Variants in PCDH7 observed in about 807,000 individuals in gnomAD.
The protein encoded by PCDH7 is protocadherin 7.
A neutral mutation model predicts 58.9 loss-of-function variants in PCDH7; 17 were observed. The ratio of observed to expected loss-of-function variants is 0.29; its 90% CI spans 0.20 to 0.43. The LOEUF is 0.43. Ranked by LOEUF, PCDH7 falls within the 20% of genes least tolerant of loss-of-function variation. PCDH7 has a pLI of 1.00. For missense variants in PCDH7, 1,274 were observed against 1,441.0 expected, an observed-to-expected ratio of 0.88 and a Z score of 1.88; for synonymous variants, 664 against 616.4, an observed-to-expected ratio of 1.08 and a Z score of -1.14.
At chr4:30,726,045 ATTAT>A (rs1012536916) in intron 1 of PCDH7, among the ~76,000 whole-genome samples, 2 of 152,058 alleles carry the variant, frequency 1.3e-5, no homozygotes, top group African/African-American at 4.8e-5. Flanking sequence ...GTGAATTTGA[ATTAT>A]TTATTTATTT....
intron 1 of PCDH7, among the ~76,000 whole-genome samples, chr4:30,810,482 C>T (rs1436258461): frequency 4.0e-5 from 6 of 150,762 alleles, no homozygotes; most frequent in Non-Finnish European, 8.9e-5. Flanking sequence ...AAATAAATTT[C>T]TTCATCATAA....
At chr4:30,764,902 C>G (rs536229693) in intron 1 of PCDH7, among the ~76,000 whole-genome samples, 312 of 151,854 alleles carry the variant, frequency 2.1e-3, no homozygotes, top group African/African-American at 7.0e-3. Context: ...TGTGTTTTTA[C>G]TAGAGACGAG....
chr4:31,136,259 C>G (rs530231854), intron 3 of PCDH7, among the ~76,000 whole-genome samples: 1 of 152,162 alleles, frequency 6.6e-6, no homozygotes, highest in Admixed American at 6.5e-5. Context: ...GACCATATTA[C>G]GAGCTGTATA....
At chr4:31,015,400 T>C (rs1049113749) in intron 3 of PCDH7, among the ~76,000 whole-genome samples, 1 of 152,196 alleles carries the variant, frequency 6.6e-6, no homozygotes, top group Non-Finnish European at 1.5e-5. Flanking sequence ...ATAGGTTTTA[T>C]TGACATAATA....
intron 2 of PCDH7, among the ~76,000 whole-genome samples, chr4:30,941,948 A>G (rs1746091921): frequency 6.6e-6 from 1 of 151,988 alleles, no homozygotes; most frequent in Admixed American, 6.6e-5. Context: ...TTTTAAAACA[A>G]AATTCTTTTG....
At chr4:30,908,953 GC>G (rs949984333) in intron 1 of PCDH7, among the ~76,000 whole-genome samples, 6 of 152,092 alleles carry the variant, frequency 3.9e-5, no homozygotes. Flanking sequence ...CAAAGCAAAT[GC>G]AGTAGCATAT....
intron 3 of PCDH7, among the ~76,000 whole-genome samples, chr4:31,044,316 G>A (rs919091171): frequency 1.3e-5 from 2 of 151,910 alleles, no homozygotes; most frequent in African/African-American, 4.8e-5. Context: ...ACATGTCTGT[G>A]GGCACACATT....
chr4:30,750,745 C>T (rs1044378040), intron 1 of PCDH7, among the ~76,000 whole-genome samples: 4 of 151,720 alleles, frequency 2.6e-5, no homozygotes, highest in African/African-American at 9.7e-5. Context: ...GCCCATGTAC[C>T]GAGAATACAA....
intron 1 of PCDH7, among the ~76,000 whole-genome samples, chr4:30,880,291 A>C (rs1377422547): frequency 6.6e-6 from 1 of 151,978 alleles, no homozygotes; most frequent in African/African-American, 2.4e-5. Flanking sequence ...AAAAGAAAAA[A>C]AAAAAAACCC....
intron 1 of PCDH7, among the ~76,000 whole-genome samples, chr4:30,870,405 TTTATGCTTTTAGGTC>T (rs1314744059): frequency 1.3e-5 from 2 of 152,212 alleles, no homozygotes; most frequent in East Asian, 3.9e-4. Flanking sequence ...TTCCAGGGAT[TTTATGCTTTTAGGTC>T]TTATGTAAGT....
rs58210433 is a variant in PCDH7 at position 30,852,829 on chromosome 4, GAAAAAAAAAAA to G, written c.71-67310_71-67300del. Among the ~76,000 whole-genome samples, 19 of 74,618 alleles carry G rather than the reference GAAAAAAAAAAA, an allele frequency of 2.5e-4. No homozygotes were observed. The East Asian group carries it at 7.8e-3, about 31-fold the overall frequency. 49.0% of individuals were successfully genotyped at this position (74,618 alleles called of 152,430 possible). A position where few individuals can be genotyped will look rare whatever the true frequency, so the allele number is the denominator to read the frequency against. On this transcript the variant is annotated intron_variant, in intron 1 of 3. Transcript: ENST00000509759. ...TCAAACTCAGGTCTATCAAGCACAG[GAAAAAAAAAAA>G]AAAAAAAAAAAAAGAAGGCTCTGTT... is the stretch of plus-strand genomic sequence containing the variant.
chr4:30,732,441 T>C (rs531436732), exon 2 of PCDH7: 38 of 152,322 alleles, frequency 2.5e-4, no homozygotes, highest in African/African-American at 9.1e-4. Context: ...TGCAATCACA[T>C]AGAAGTGATA....
chr4:30,870,476 A>C (rs4422383), intron 1 of PCDH7, among the ~76,000 whole-genome samples: 61,737 of 151,942 alleles, frequency 0.41, 12,761 homozygotes, highest in African/African-American at 0.45. Context: ...GGAATTTTTA[A>C]AAAGAAGTTT....
chr4:31,079,585 T>A (rs975663373), intron 3 of PCDH7, among the ~76,000 whole-genome samples: 1 of 147,862 alleles, frequency 6.8e-6, no homozygotes, highest in South Asian at 2.1e-4. Context: ...TTTCATATAC[T>A]GTTTTTTTTT....
chr4:30,891,630 C>T (rs1040099814), intron 1 of PCDH7, among the ~76,000 whole-genome samples: 5 of 151,858 alleles, frequency 3.3e-5, no homozygotes, highest in Admixed American at 3.3e-4. Context: ...TCTCTTTTAG[C>T]TGAATTAAAG....
intron 1 of PCDH7, among the ~76,000 whole-genome samples, chr4:30,767,291 G>T (rs924710007): frequency 6.6e-6 from 1 of 152,120 alleles, no homozygotes; most frequent in Non-Finnish European, 1.5e-5. Context: ...AAGAATTAGC[G>T]GTCTACAGTC....
At chr4:30,866,654 A>G (rs1368897169) in intron 1 of PCDH7, among the ~76,000 whole-genome samples, 2 of 151,932 alleles carry the variant, frequency 1.3e-5, no homozygotes, top group Non-Finnish European at 2.9e-5. Flanking sequence ...CTTTCTGGCC[A>G]TGGCCATAAA....
intron 3 of PCDH7, among the ~76,000 whole-genome samples, chr4:31,111,762 C>A (rs912605493): frequency 2.6e-5 from 4 of 152,190 alleles, no homozygotes; most frequent in Non-Finnish European, 5.9e-5. Context: ...TAACTCGAAA[C>A]CTCTGCAGTG....
At chr4:30,917,105 A>G (rs993098928) in intron 1 of PCDH7, among the ~76,000 whole-genome samples, 4 of 152,308 alleles carry the variant, frequency 2.6e-5, no homozygotes, top group African/African-American at 7.2e-5. Flanking sequence ...TTTCTGGAAT[A>G]TATAAATAAT....
Sources: gnomAD v4.1 joint callset for allele counts (sites outside exome capture counted in the v4.1 genomes callset) on GRCh38, gnomAD v4.1.1 for gene constraint, MANE v1.5 for transcripts, NCBI Gene and HGNC (gene_info 2026-07-23, HGNC 2026-07-21) for gene names.